The following ZNF618 variants were observed in gnomAD, a reference collection of about 807,000 sequenced individuals.
The protein encoded by ZNF618 is neural precursor cell expressed, developmentally down-regulated 10.
A neutral mutation model predicts 103.0 loss-of-function variants in ZNF618; 34 were observed. The observed-to-expected ratio is 0.33, with a 90% CI of 0.25 to 0.44. The LOEUF is 0.44. Ranked by LOEUF, ZNF618 falls within the 20% of genes least tolerant of loss-of-function variation. The probability of loss-of-function intolerance (pLI) is 1.00; values close to 1 mark genes in which losing one functional copy is unlikely to be tolerated. For synonymous variants in ZNF618, 551 were observed against 542.2 expected (o/e 1.02, Z -0.23); for missense variants, 1,059 against 1,295.4 (o/e 0.82, Z 2.80).
chr9:113,898,258 T>C (rs1388817141), intron 1 of ZNF618, among the ~76,000 whole-genome samples: 1 of 152,186 alleles, frequency 6.6e-6, no homozygotes. Context: ...GTATGTTTCT[T>C]CTCTCAATCT....
chr9:114,005,552 C>G (rs1160868920), intron 6 of ZNF618, among the ~76,000 whole-genome samples: 1 of 152,132 alleles, frequency 6.6e-6, no homozygotes, highest in Non-Finnish European at 1.5e-5. Context: ...TAGAGACAAG[C>G]AAGTGGGCAG....
In ZNF618 at chr9:113,984,954, G is replaced by T. The variant is rs544166543; in HGVS notation, c.78-3367G>T. 9.1e-4 allele frequency among the ~76,000 whole-genome samples: 138 copies of T among 152,268 alleles called. 1 individual carries two copies. Among genetic ancestry groups the T allele is most frequent in the African/African-American group, 3.3e-3 (135 of 41,526 alleles). ...AGAGCTGGCATTCAAACCCTGGTTG[G>T]TCTAACTCCACAGCCCATGCGCTAA... is the stretch of plus-strand genomic sequence containing the variant. On this transcript the variant is annotated intron_variant, in intron 2 of 14. Transcript: ENST00000374126.
At chr9:113,970,365 A>G (rs1370266501) in intron 2 of ZNF618, among the ~76,000 whole-genome samples, 1 of 152,098 alleles carries the variant, frequency 6.6e-6, no homozygotes, top group Non-Finnish European at 1.5e-5. Context: ...CCTGGCAGCC[A>G]TTTGTTGGGT....
At chr9:113,991,781 T>C (rs10817549) in intron 3 of ZNF618, among the ~76,000 whole-genome samples, 89,824 of 152,038 alleles carry the variant, frequency 0.59, 27,018 homozygotes, top group Middle Eastern at 0.73. Flanking sequence ...CTAGTACTGC[T>C]TCCCTCCAAT....
rs762986807 is a variant in ZNF618, at chr9:114,049,168, C to T, written c.1866C>T (p.Ser622=). 6 of 1,613,698 alleles carry T rather than the reference C, an allele frequency of 3.7e-6. No homozygotes were observed. In the South Asian group the frequency reaches 4.4e-5, roughly 12 times the overall value. The stretch of plus-strand genomic sequence containing the variant: ...TGTACGTGACGGATTGCCGGGTGAG[C>T]ACGTCCGCCTTCTCCAAGGCCGGCA... ...RTVYVTDCRV[S]TSAFSKAGMC... Residue 622 remains serine (S), a synonymous_variant, in exon 15 of 15, where the codon AGC becomes AGT. Coordinates refer to ENST00000374126, the MANE Select transcript of ZNF618 (RefSeq NM_001318042.2).
At chr9:113,961,375 T>C (rs1028342343) in intron 1 of ZNF618, among the ~76,000 whole-genome samples, 1 of 152,264 alleles carries the variant, frequency 6.6e-6, no homozygotes, top group Non-Finnish European at 1.5e-5. Flanking sequence ...TACATCATAA[T>C]ACATAGTGGT....
intron 1 of ZNF618, among the ~76,000 whole-genome samples, chr9:113,917,113 A>T (rs116214227): frequency 1.4e-4 from 21 of 152,124 alleles, no homozygotes; most frequent in African/African-American, 5.1e-4. Context: ...GTCACACCAG[A>T]CATTGCAGCC....
At chr9:113,890,583 G>A (rs769304471) in intron 1 of ZNF618, among the ~76,000 whole-genome samples, 9 of 152,090 alleles carry the variant, frequency 5.9e-5, no homozygotes, top group Admixed American at 2.6e-4. Context: ...CATCTTTTTC[G>A]TACAGCTTCT....
chr9:114,032,400 G>A (rs1452300486), intron 11 of ZNF618, among the ~76,000 whole-genome samples: 3 of 152,092 alleles, frequency 2.0e-5, no homozygotes, highest in South Asian at 2.1e-4. Context: ...GTGTTTTTGG[G>A]CATGTCACTC....
rs573316585 is a variant in ZNF618 at position 113,879,908 on chromosome 9, T to G, written c.33+3495T>G. Among the ~76,000 whole-genome samples the G allele has an allele frequency of 3.9e-5, 6 of 152,234 alleles. No individual in the cohort carries two copies. The South Asian group carries it at 1.2e-3, about 32-fold the overall frequency. Reference sequence around the variant, plus strand: ...CTTCCAGCTCTGCACAGAGGTGAACTTGAACAAGGGTTCTTGCTTTTGCAG... The same window carrying G: ...CTTCCAGCTCTGCACAGAGGTGAACGTGAACAAGGGTTCTTGCTTTTGCAG... On this transcript the variant is annotated intron_variant, in intron 1 of 14. Coordinates refer to ENST00000374126, the MANE Select transcript of ZNF618 (RefSeq NM_001318042.2).
At chr9:113,920,542 C>G (rs1005866172) in intron 1 of ZNF618, among the ~76,000 whole-genome samples, 1 of 151,978 alleles carries the variant, frequency 6.6e-6, no homozygotes, top group Non-Finnish European at 1.5e-5. Context: ...GCTGGGATTA[C>G]AGGCGCCCGC....
Position 114,041,245 on chromosome 9 carries a change from T to C in ZNF618, c.1246+4868T>C, listed in dbSNP as rs577996314. ...GGATATTAGCCCTTCGTCAGATGAGTAGATTGCAAAAATTTTCTCCCATTC... is the reference window on the plus strand; with the variant it reads ...GGATATTAGCCCTTCGTCAGATGAGCAGATTGCAAAAATTTTCTCCCATTC... On this transcript the variant is annotated intron_variant, in intron 13 of 14. Transcript: ENST00000374126. Among the ~76,000 whole-genome samples the C allele has an allele frequency of 5.0e-3, 758 of 152,250 alleles. 5 individuals carry two copies. Among genetic ancestry groups the C allele is most frequent in the African/African-American group, 0.018 (732 of 41,542 alleles).
At chr9:113,877,901 CAG>C (rs746796625) in intron 1 of ZNF618, among the ~76,000 whole-genome samples, 2 of 152,012 alleles carry the variant, frequency 1.3e-5, no homozygotes, top group East Asian at 1.9e-4. Context: ...AAAAAACTAA[CAG>C]TGGATTCACA....
At chr9:113,953,993 C>T (rs1836013524) in intron 1 of ZNF618, among the ~76,000 whole-genome samples, 1 of 152,016 alleles carries the variant, frequency 6.6e-6, no homozygotes, top group South Asian at 2.1e-4. Flanking sequence ...GGGAATGGAA[C>T]CCAAAAGGAA....
Position 114,052,111 on chromosome 9 carries a change from G to A in ZNF618, c.*1944G>A, listed in dbSNP as rs956327889. The A allele has an allele frequency of 1.4e-4, 21 of 152,702 alleles. No homozygotes were observed. The highest frequency in any genetic ancestry group is 4.8e-4 in the African/African-American group (20 of 41,458). 9.5% of individuals were successfully genotyped at this position (152,702 alleles called of 1,614,324 possible). A position where few individuals can be genotyped will look rare whatever the true frequency, so the allele number is the denominator to read the frequency against. On this transcript the variant is annotated 3_prime_UTR_variant, in exon 15 of 15. Transcript: ENST00000374126. ...CGACTACAAAAAGCACTGTACCACAGCCCTCTCCCCCTGGGTCCATGACAG... is the reference window on the plus strand; with the variant it reads ...CGACTACAAAAAGCACTGTACCACAACCCTCTCCCCCTGGGTCCATGACAG...
At chr9:114,018,188 A>G (rs1235552453) in intron 10 of ZNF618, among the ~76,000 whole-genome samples, 1 of 152,206 alleles carries the variant, frequency 6.6e-6, no homozygotes, top group African/African-American at 2.4e-5. Flanking sequence ...AGTACCCGCC[A>G]TAGAGCCAGA....
intron 11 of ZNF618, 45 bp downstream of exon 11, chr9:114,029,017 C>G (rs1390863686): frequency 2.0e-5 from 31 of 1,525,748 alleles, no homozygotes; most frequent in Non-Finnish European, 2.5e-5. Flanking sequence ...CCCCACTGCC[C>G]TTCTCACCAC....
At chr9:114,042,323 C>T (rs1845268311) in intron 13 of ZNF618, among the ~76,000 whole-genome samples, 1 of 152,090 alleles carries the variant, frequency 6.6e-6, no homozygotes, top group African/African-American at 2.4e-5. Flanking sequence ...TTGAAGAGTA[C>T]AGTTTGATTG....
intron 1 of ZNF618, among the ~76,000 whole-genome samples, chr9:113,915,802 G>T (rs764912770): frequency 6.6e-6 from 1 of 152,114 alleles, no homozygotes; most frequent in South Asian, 2.1e-4. Context: ...TCTTGTGGAC[G>T]ACCCTGTAAA....
Sources: allele counts gnomAD v4.1 joint callset (sites outside exome capture counted in the v4.1 genomes callset), GRCh38; gene constraint gnomAD v4.1.1; transcripts MANE v1.5; gene names NCBI Gene and HGNC (gene_info 2026-07-23, HGNC 2026-07-21).